SBF2: variants seen among roughly 807,000 people sequenced by gnomAD.
SBF2 encodes the protein SET binding factor 2, also known as myotubularin-related protein 13.
A neutral mutation model predicts 225.2 loss-of-function variants in SBF2; 112 were observed. The observed-to-expected ratio is 0.50, with a 90% CI of 0.43 to 0.58. The LOEUF (loss-of-function observed/expected upper bound fraction) is 0.58. Among genes scored for constraint, SBF2 ranks in the 20% least tolerant of loss-of-function variants. The pLI is 0.00. For missense variants in SBF2, 1,996 were observed against 2,206.2 expected (o/e 0.90, Z 1.91); for synonymous variants, 763 against 773.3 (o/e 0.99, Z 0.22).
At chr11:10,175,810 A>G (rs1345874969) in intron 2 of SBF2, among the ~76,000 whole-genome samples, 5 of 151,868 alleles carry the variant, frequency 3.3e-5, no homozygotes, top group Non-Finnish European at 7.4e-5. Context: ...ATAACAAACT[A>G]TCTCTCAGAC....
At position 10,174,925 on chromosome 11, in the gene SBF2, A is replaced by T. The variant is rs1956385700; in HGVS notation, c.141+18977T>A. ...CCAGCCAAACTAAACTTCATAAGTG[A>T]AGGAGAAATAAAATACTTTACAGAC... On this transcript the variant is annotated intron_variant, in intron 2 of 39. Transcript: ENST00000256190. 2.0e-5 allele frequency among the ~76,000 whole-genome samples: 3 copies of T among 151,122 alleles called. No homozygotes were observed. In the South Asian group the frequency reaches 6.2e-4, roughly 31 times the overall value.
At chr11:10,218,244 G>A (rs1052715262) in intron 1 of SBF2, among the ~76,000 whole-genome samples, 12 of 151,896 alleles carry the variant, frequency 7.9e-5, no homozygotes, top group Admixed American at 2.6e-4. Context: ...AGTGTGTGCA[G>A]GGGAACTCCC....
intron 3 of SBF2, among the ~76,000 whole-genome samples, chr11:10,041,549 A>G (rs1339306441): frequency 6.6e-6 from 1 of 152,170 alleles, no homozygotes; most frequent in African/African-American, 2.4e-5. Context: ...GTTTTGTTCT[A>G]TATGCATTTT....
intron 1 of SBF2, among the ~76,000 whole-genome samples, chr11:10,276,757 A>C (rs527253296): frequency 4.6e-5 from 7 of 152,320 alleles, no homozygotes; most frequent in Non-Finnish European, 1.0e-4. Context: ...AAATGAATGA[A>C]GATTCAATCT....
intron 1 of SBF2, among the ~76,000 whole-genome samples, chr11:10,277,510 T>C (rs565812415): frequency 1.3e-5 from 2 of 152,336 alleles, no homozygotes; most frequent in African/African-American, 4.8e-5. Flanking sequence ...ACTATTATTA[T>C]AATAACTGCA....
At chr11:10,276,377 A>G (rs1962960785) in intron 1 of SBF2, among the ~76,000 whole-genome samples, 1 of 152,206 alleles carries the variant, frequency 6.6e-6, no homozygotes, top group South Asian at 2.1e-4. Context: ...CACAATGTAA[A>G]GTGGTTGGCC....
chr11:10,116,503 T>C (rs1481644224), intron 2 of SBF2, among the ~76,000 whole-genome samples: 6 of 152,234 alleles, frequency 3.9e-5, no homozygotes, highest in African/African-American at 1.4e-4. Flanking sequence ...ATAATTGATA[T>C]ATTATTTTTC....
chr11:9,845,529 G>A (rs1564907903), intron 24 of SBF2, 36 bp downstream of exon 24: 1 of 1,584,386 alleles, frequency 6.3e-7, no homozygotes, highest in Non-Finnish European at 8.7e-7. Context: ...TCAATTACGG[G>A]AGGGCTGAAA....
chr11:9,911,924 C>T (rs78274132), intron 16 of SBF2, among the ~76,000 whole-genome samples: 1 of 152,382 alleles, frequency 6.6e-6, no homozygotes, highest in South Asian at 2.1e-4. Flanking sequence ...GCTAACCAAG[C>T]TTGTCCAACA....
intron 1 of SBF2, among the ~76,000 whole-genome samples, chr11:10,270,107 TTTAAA>T (rs1405410086): frequency 1.1e-4 from 17 of 152,172 alleles, no homozygotes; most frequent in African/African-American, 3.9e-4. Flanking sequence ...ATTTATTTAC[TTTAAA>T]TTATATATTA....
At chr11:9,994,095 A>C in intron 9 of SBF2, 97 bp from the exon 10 acceptor site, 1 of 922,938 alleles carries the variant, frequency 1.1e-6, no homozygotes, top group South Asian at 1.4e-5. Context: ...GAATTATAAT[A>C]TATTCCCTCC....
intron 1 of SBF2, among the ~76,000 whole-genome samples, chr11:10,262,631 A>G: frequency 6.6e-6 from 1 of 152,328 alleles, no homozygotes; most frequent in Non-Finnish European, 1.5e-5. Flanking sequence ...TGTATAAATT[A>G]TTTTATTTTA....
intron 1 of SBF2, among the ~76,000 whole-genome samples, chr11:10,217,466 T>C (rs956463285): frequency 6.6e-6 from 1 of 152,214 alleles, no homozygotes; most frequent in Non-Finnish European, 1.5e-5. Flanking sequence ...ACTAATGCTA[T>C]ATAACATGGT....
intron 13 of SBF2, among the ~76,000 whole-genome samples, chr11:9,971,345 G>A (rs972450054): frequency 9.9e-5 from 15 of 151,770 alleles, no homozygotes; most frequent in Non-Finnish European, 1.9e-4. Flanking sequence ...TCTGTCTTCT[G>A]TCTTTTTCCA....
chr11:9,789,608 A>C (rs1852609090), intron 34 of SBF2, among the ~76,000 whole-genome samples: 1 of 152,206 alleles, frequency 6.6e-6, no homozygotes, highest in South Asian at 2.1e-4. Flanking sequence ...ATTCCTCAGA[A>C]TTTTATACTA....
chr11:9,875,922 T>G (rs1859190705), intron 17 of SBF2, among the ~76,000 whole-genome samples: 1 of 151,404 alleles, frequency 6.6e-6, no homozygotes, highest in African/African-American at 2.4e-5. Flanking sequence ...AACTTGTTAT[T>G]AAGTGTAAAC....
chr11:10,153,944 T>C (rs949714835), intron 2 of SBF2, among the ~76,000 whole-genome samples: 10 of 152,258 alleles, frequency 6.6e-5, no homozygotes, highest in East Asian at 5.8e-4. Flanking sequence ...GAATAATCTT[T>C]ATACATTTTT....
chr11:9,936,560 C>A (rs1168989155), intron 16 of SBF2, among the ~76,000 whole-genome samples: 2 of 152,182 alleles, frequency 1.3e-5, no homozygotes, highest in African/African-American at 4.8e-5. Flanking sequence ...ACCCAAATGT[C>A]CATCAATGAT....
intron 13 of SBF2, among the ~76,000 whole-genome samples, chr11:9,972,322 C>T (rs573966515): frequency 6.6e-6 from 1 of 152,242 alleles, no homozygotes; most frequent in Non-Finnish European, 1.5e-5. Flanking sequence ...ATTTTGGCTA[C>T]ATTCATTTAA....
Sources: gnomAD v4.1 joint callset for allele counts (sites outside exome capture counted in the v4.1 genomes callset) on GRCh38, gnomAD v4.1.1 for gene constraint, MANE v1.5 for transcripts, NCBI Gene and HGNC (gene_info 2026-07-23, HGNC 2026-07-21) for gene names.